Variants in ANO3 observed in about 807,000 individuals in gnomAD.
The protein encoded by ANO3 is anoctamin 3, also known as anoctamin-3.
A neutral mutation model predicts 144.8 loss-of-function variants in ANO3; 99 were observed. The observed-to-expected ratio is 0.68, with a 90% CI of 0.58 to 0.81. The LOEUF is 0.81. Among genes scored for constraint, ANO3 ranks in the 30% least tolerant of loss-of-function variants. The pLI is 0.00. For missense variants in ANO3, 905 were observed against 1,202.2 expected (o/e 0.75, Z 3.66); for synonymous variants, 414 against 392.6 (o/e 1.05, Z -0.64).
intron 1 of ANO3, among the ~76,000 whole-genome samples, chr11:26,342,828 T>C (rs1350428157): frequency 6.6e-6 from 1 of 152,204 alleles, no homozygotes; most frequent in Non-Finnish European, 1.5e-5. Flanking sequence ...ACTTTATTTT[T>C]TTTATTTTTT....
intron 1 of ANO3, among the ~76,000 whole-genome samples, chr11:26,289,618 CTA>C (rs1376541943): frequency 4.8e-5 from 4 of 83,246 alleles, no homozygotes; most frequent in African/African-American, 6.8e-5. Context: ...CACATATATT[CTA>C]TATGTGTGTA....
chr11:26,448,559 G>A (rs1858796783), intron 3 of ANO3, among the ~76,000 whole-genome samples: 1 of 152,142 alleles, frequency 6.6e-6, no homozygotes, highest in Non-Finnish European at 1.5e-5. Context: ...AGTACATGGT[G>A]ATTTTGCTTT....
intron 22 of ANO3, 94 bp downstream of exon 22, chr11:26,642,123 T>C: frequency 7.1e-7 from 1 of 1,415,008 alleles, no homozygotes; most frequent in Non-Finnish European, 9.6e-7. Flanking sequence ...ATTATCTCTT[T>C]CCTTTCCAAC....
At chr11:26,489,798 C>A (rs1434259780) in intron 4 of ANO3, among the ~76,000 whole-genome samples, 1 of 152,162 alleles carries the variant, frequency 6.6e-6, no homozygotes, top group Non-Finnish European at 1.5e-5. Flanking sequence ...TGGCCAATTT[C>A]TCCTATTTGG....
rs565113123 is a variant in ANO3 at position 26,232,446 on chromosome 11, G to C, written c.154+43116G>C. 8.0e-4 allele frequency among the ~76,000 whole-genome samples: 122 copies of C among 152,130 alleles called. 1 individual carries two copies. The highest frequency in any genetic ancestry group is 2.8e-4 in the Non-Finnish European group (19 of 67,978). On this transcript the variant is annotated intron_variant, in intron 1 of 27. Coordinates refer to the ANO3 transcript ENST00000672621. ...ACTTACAGGTTCATGAAAAAAAAATGCATAGCCCTGAACTTCCTTATTACA... is the reference window on the plus strand; with the variant it reads ...ACTTACAGGTTCATGAAAAAAAAATCCATAGCCCTGAACTTCCTTATTACA...
At chr11:26,309,851 A>G (rs1422166566) in intron 1 of ANO3, 1 of 209,118 alleles carries the variant, frequency 4.8e-6, no homozygotes, top group Non-Finnish European at 8.3e-6. Context: ...AATAATTACC[A>G]TATGTGACAT....
chr11:26,269,347 G>A (rs1291462862), intron 1 of ANO3, among the ~76,000 whole-genome samples: 1 of 152,148 alleles, frequency 6.6e-6, no homozygotes, highest in Non-Finnish European at 1.5e-5. Flanking sequence ...AGACGTGGAA[G>A]GCACGTTTTC....
intron 1 of ANO3, among the ~76,000 whole-genome samples, chr11:26,299,806 C>T (rs1338315852): frequency 2.6e-5 from 4 of 152,006 alleles, no homozygotes; most frequent in Non-Finnish European, 5.9e-5. Context: ...GAATACAGTT[C>T]GTTTATCTAG....
At chr11:26,269,967 A>G (rs1321738265) in intron 1 of ANO3, among the ~76,000 whole-genome samples, 4 of 152,210 alleles carry the variant, frequency 2.6e-5, no homozygotes, top group Non-Finnish European at 5.9e-5. Context: ...TCAGAACACA[A>G]ACACACACAG....
At chr11:26,256,049 G>T (rs768804249) in intron 1 of ANO3, among the ~76,000 whole-genome samples, 6 of 152,082 alleles carry the variant, frequency 3.9e-5, no homozygotes, top group Non-Finnish European at 8.8e-5. Flanking sequence ...GGAATGAAAG[G>T]CAGGACACTA....
At chr11:26,229,985 A>C (rs1852354288) in intron 1 of ANO3, among the ~76,000 whole-genome samples, 1 of 152,192 alleles carries the variant, frequency 6.6e-6, no homozygotes, top group Non-Finnish European at 1.5e-5. Context: ...ATTCTGTGTC[A>C]GGATCAGAGC....
intron 12 of ANO3, 30 bp from the exon 13 acceptor site, chr11:26,553,219 G>GTTTC: frequency 8.3e-7 from 1 of 1,197,678 alleles, no homozygotes. Context: ...GCTATGTTTT[G>GTTTC]TTTTGTTTTT....
chr11:26,360,131 T>A (rs1242625527), intron 1 of ANO3, among the ~76,000 whole-genome samples: 1 of 132,344 alleles, frequency 7.6e-6, no homozygotes, highest in East Asian at 2.2e-4. Context: ...TTCATTGACA[T>A]TTTTTCCTTT....
chr11:26,539,229 G>C (rs934923443), intron 10 of ANO3, among the ~76,000 whole-genome samples: 7 of 151,846 alleles, frequency 4.6e-5, no homozygotes, highest in Non-Finnish European at 4.4e-5. Context: ...ATGAATAGTG[G>C]AAAGAGAGGA....
intron 4 of ANO3, among the ~76,000 whole-genome samples, chr11:26,497,006 A>T (rs1860978927): frequency 1.2e-5 from 1 of 84,976 alleles, no homozygotes; most frequent in African/African-American, 3.8e-5. Context: ...ACACACACAG[A>T]CACACACACA....
At chr11:26,586,104 A>G (rs1851267351) in intron 14 of ANO3, among the ~76,000 whole-genome samples, 1 of 152,112 alleles carries the variant, frequency 6.6e-6, no homozygotes, top group African/African-American at 2.4e-5. Flanking sequence ...CTTATTCTCT[A>G]GGCTACTCTG....
chr11:26,433,905 G>A (rs1475450805), intron 1 of ANO3, among the ~76,000 whole-genome samples: 1 of 152,148 alleles, frequency 6.6e-6, no homozygotes, highest in African/African-American at 2.4e-5. Context: ...GAATGATGCT[G>A]ATCTCACAGA....
At chr11:26,304,468 C>T (rs1854320184) in intron 1 of ANO3, among the ~76,000 whole-genome samples, 3 of 151,850 alleles carry the variant, frequency 2.0e-5, no homozygotes, top group African/African-American at 7.3e-5. Flanking sequence ...TAAAAATTAC[C>T]TCCCAAAGAC....
At chr11:26,286,678 G>A (rs1482529707) in intron 1 of ANO3, among the ~76,000 whole-genome samples, 3 of 152,140 alleles carry the variant, frequency 2.0e-5, no homozygotes, top group African/African-American at 7.2e-5. Context: ...ATGGCGATAT[G>A]GATGCTGACA....
Sources: gnomAD v4.1 joint callset for allele counts (sites outside exome capture counted in the v4.1 genomes callset) on GRCh38, gnomAD v4.1.1 for gene constraint, MANE v1.5 for transcripts, NCBI Gene and HGNC (gene_info 2026-07-23, HGNC 2026-07-21) for gene names.